Variants in CLYBL observed in about 807,000 individuals in gnomAD.
The protein encoded by CLYBL is citramalyl-CoA lyase.
CLYBL carries 31 observed loss-of-function variants against 38.9 expected under a neutral mutation model. The observed-to-expected ratio is 0.80, with a 90% CI of 0.60 to 1.08. CLYBL has a LOEUF of 1.08. Among genes scored for constraint, CLYBL ranks in the 50% least tolerant of loss-of-function variants. The pLI is 0.00. For missense variants in CLYBL, 434 were observed against 411.6 expected, an observed-to-expected ratio of 1.05 and a Z score of -0.47; for synonymous variants, 171 against 158.6, an observed-to-expected ratio of 1.08 and a Z score of -0.59.
chr13:99,629,406 A>G (rs1465354672), intron 1 of CLYBL, among the ~76,000 whole-genome samples: 11 of 152,108 alleles, frequency 7.2e-5, no homozygotes, highest in Admixed American at 7.2e-4. Context: ...CCCCTCCTCC[A>G]GGTTTTAGAC....
rs910610913 is a variant in CLYBL, at chr13:99,702,402, G to A, written c.63-70422G>A. ...TCCCAGCACTTTGGGAGGCCAAGGCGGGTGGATCACGTGAGGCCAGGAGTT... is the reference window on the plus strand; with the variant it reads ...TCCCAGCACTTTGGGAGGCCAAGGCAGGTGGATCACGTGAGGCCAGGAGTT... On this transcript the variant is annotated intron_variant, in intron 1 of 8. Transcript: ENST00000339105. Among the ~76,000 whole-genome samples the A allele has an allele frequency of 5.9e-5, 9 of 152,088 alleles. No individual in the cohort carries two copies. The South Asian group carries it at 1.2e-3, about 21-fold the overall frequency.
intron 7 of CLYBL, among the ~76,000 whole-genome samples, chr13:99,872,426 C>T (rs1037400285): frequency 2.0e-5 from 3 of 152,300 alleles, no homozygotes; most frequent in Non-Finnish European, 4.4e-5. Flanking sequence ...TCAAGATTCC[C>T]ATGAGTAAAT....
intron 7 of CLYBL, among the ~76,000 whole-genome samples, chr13:99,882,185 A>G (rs1394012229): frequency 1.3e-5 from 2 of 152,194 alleles, no homozygotes; most frequent in African/African-American, 4.8e-5. Flanking sequence ...GTTATCAGCC[A>G]TACTTTGGGT....
rs545338325 is a variant in CLYBL, at chr13:99,747,545, C to T, written c.63-25279C>T. 9.9e-5 allele frequency among the ~76,000 whole-genome samples: 15 copies of T among 152,270 alleles called. 1 individual carries two copies. The South Asian group carries it at 1.5e-3, about 15-fold the overall frequency. On this transcript the variant is annotated intron_variant, in intron 1 of 8. Transcript: ENST00000339105. ...ACGGCCACATTTATAGAAAGATGAA[C>T]CCACACGGGAGACAAACGGGGCTCT...
chr13:99,851,817 A>G lies in CLYBL; in HGVS notation c.250-7044A>G, dbSNP rs564326767. 5.3e-5 allele frequency among the ~76,000 whole-genome samples: 8 copies of G among 152,302 alleles called. No homozygotes were observed. In the East Asian group the frequency reaches 1.5e-3, roughly 29 times the overall value. On this transcript the variant is annotated intron_variant, in intron 2 of 8. Transcript: ENST00000339105. Reference sequence around the variant, plus strand: ...AGGTCAGACATACAGTTACCATATGACCCAGGAATTCTACTTTCTCTTAAG... The same window carrying G: ...AGGTCAGACATACAGTTACCATATGGCCCAGGAATTCTACTTTCTCTTAAG...
chr13:99,860,683 A>C (rs1227676625), intron 3 of CLYBL, among the ~76,000 whole-genome samples: 1 of 152,208 alleles, frequency 6.6e-6, no homozygotes, highest in Non-Finnish European at 1.5e-5. Flanking sequence ...ACTGTTTTAA[A>C]TCCTTGGAAG....
chr13:99,752,256 G>T (rs576535481), intron 1 of CLYBL, among the ~76,000 whole-genome samples: 2 of 152,140 alleles, frequency 1.3e-5, no homozygotes, highest in Non-Finnish European at 2.9e-5. Context: ...ATGGAAACTT[G>T]TGGCCCTTTC....
chr13:99,692,229 A>T (rs2047913813), intron 1 of CLYBL, among the ~76,000 whole-genome samples: 1 of 151,822 alleles, frequency 6.6e-6, no homozygotes, highest in Admixed American at 6.6e-5. Context: ...GCATTTAAAA[A>T]TTGTCGCTTT....
chr13:99,709,902 CT>C (rs58865848), intron 1 of CLYBL, among the ~76,000 whole-genome samples: 35,878 of 138,772 alleles, frequency 0.26, 6,098 homozygotes, highest in African/African-American at 0.49. Flanking sequence ...TCGCCCCTAC[CT>C]TTTTTTTTTT....
chr13:99,788,054 C>A (rs1426033809), intron 2 of CLYBL, among the ~76,000 whole-genome samples: 1 of 152,138 alleles, frequency 6.6e-6, no homozygotes, highest in Non-Finnish European at 1.5e-5. Flanking sequence ...GATTTTGTAT[C>A]CTGAGACTTT....
intron 2 of CLYBL, among the ~76,000 whole-genome samples, chr13:99,853,339 C>T (rs9585248): frequency 0.037 from 5,536 of 151,446 alleles, 342 homozygotes; most frequent in African/African-American, 0.13. Context: ...TAGCATTTCA[C>T]TATAAACCTG....
At chr13:99,795,363 C>T (rs2050000811) in intron 2 of CLYBL, among the ~76,000 whole-genome samples, 1 of 152,064 alleles carries the variant, frequency 6.6e-6, no homozygotes. Flanking sequence ...ACCAAAAAGA[C>T]TTTTCTAGGG....
chr13:99,706,814 A>G (rs772265061), intron 1 of CLYBL, among the ~76,000 whole-genome samples: 13 of 151,960 alleles, frequency 8.6e-5, no homozygotes, highest in Non-Finnish European at 1.6e-4. Context: ...TTTTATTTTT[A>G]TTTATTTTTT....
At chr13:99,630,089 G>T (rs2046922384) in intron 1 of CLYBL, among the ~76,000 whole-genome samples, 1 of 152,170 alleles carries the variant, frequency 6.6e-6, no homozygotes, top group Non-Finnish European at 1.5e-5. Flanking sequence ...GCACCCCTGG[G>T]AGGATGGGGG....
intron 6 of CLYBL, among the ~76,000 whole-genome samples, chr13:99,866,716 A>G (rs891325270): frequency 7.2e-5 from 11 of 151,956 alleles, no homozygotes; most frequent in Admixed American, 5.2e-4. Flanking sequence ...AGGCTGCTCA[A>G]AAAGTGTTTT....
At chr13:99,661,516 TC>T (rs1468209756) in intron 1 of CLYBL, among the ~76,000 whole-genome samples, 1 of 152,250 alleles carries the variant, frequency 6.6e-6, no homozygotes, top group Non-Finnish European at 1.5e-5. Flanking sequence ...TATTTTTTTA[TC>T]CCTTTTTGCA....
At chr13:99,908,952 A>G (rs943858279) in exon 10 of CLYBL, among the ~76,000 whole-genome samples, 1 of 152,244 alleles carries the variant, frequency 6.6e-6, no homozygotes, top group Non-Finnish European at 1.5e-5. Flanking sequence ...CCCATTCCAC[A>G]AGCCCATGCT....
At chr13:99,853,337 C>T (rs2051377508) in intron 2 of CLYBL, among the ~76,000 whole-genome samples, 1 of 151,998 alleles carries the variant, frequency 6.6e-6, no homozygotes, top group South Asian at 2.1e-4. Flanking sequence ...TTTAGCATTT[C>T]ACTATAAACC....
At chr13:99,658,426 T>TCCAGGAGGGA (rs1323240625) in intron 1 of CLYBL, among the ~76,000 whole-genome samples, 4 of 152,312 alleles carry the variant, frequency 2.6e-5, no homozygotes, top group East Asian at 1.9e-4. Flanking sequence ...GCCTCCCACT[T>TCCAGGAGGGA]CCAGGAGGGA....
Sources: gnomAD v4.1 joint callset for allele counts (sites outside exome capture counted in the v4.1 genomes callset) on GRCh38, gnomAD v4.1.1 for gene constraint, MANE v1.5 for transcripts, NCBI Gene and HGNC (gene_info 2026-07-23, HGNC 2026-07-21) for gene names.